The following ALK variants were observed in gnomAD, a reference collection of about 807,000 sequenced individuals.
ALK encodes ALK receptor tyrosine kinase, also known as ALK tyrosine kinase receptor.
ALK carries 74 observed loss-of-function variants against 163.1 expected under a neutral mutation model. The observed-to-expected ratio is 0.45, with a 90% CI of 0.38 to 0.55. ALK has a LOEUF of 0.55. Among genes scored for constraint, ALK ranks in the 20% least tolerant of loss-of-function variants. The pLI is 0.00. For synonymous variants in ALK, 960 were observed against 843.2 expected (o/e 1.14, Z -2.40); for missense variants, 2,063 against 2,105.3 (o/e 0.98, Z 0.39).
chr2:29,446,378 A>T (rs1215187056), intron 4 of ALK, among the ~76,000 whole-genome samples: 1 of 152,104 alleles, frequency 6.6e-6, no homozygotes, highest in African/African-American at 2.4e-5. Context: ...CCCCTTGTAG[A>T]AAAGTTCTTA....
chr2:29,574,631 A>G (rs1046140058), intron 3 of ALK, among the ~76,000 whole-genome samples: 1 of 152,250 alleles, frequency 6.6e-6, no homozygotes, highest in Admixed American at 6.5e-5. Context: ...ATTTGGTGAG[A>G]AAAGCTTGAC....
chr2:29,532,037 G>A lies in ALK; in HGVS notation c.1032C>T (p.His344=), dbSNP rs2148158695. ...TGTGCACCGAGACGGCCAGTGTGCA[G>A]TGCTCACTGCTGCTCCTCATCCACG... is the stretch of plus-strand genomic sequence containing the variant. ...LSPWMRSSSE[H]CTLAVSVHRH... is the part of the protein sequence containing the mutation. Residue 344 remains histidine, a synonymous_variant, in exon 4 of 29, where the codon CAC becomes CAT. Transcript: ENST00000389048. 6.2e-7 allele frequency: 1 copy of A among 1,614,092 alleles called. No homozygotes were observed. Among genetic ancestry groups the A allele is most frequent in the Non-Finnish European group, 8.5e-7 (1 of 1,180,000 alleles).
intron 1 of ALK, among the ~76,000 whole-genome samples, chr2:29,798,958 T>C (rs529338697): frequency 6.6e-6 from 1 of 152,320 alleles, no homozygotes; most frequent in South Asian, 2.1e-4. Flanking sequence ...CAGTGAGAAC[T>C]TGGATATGCC....
At chr2:29,503,290 G>A (rs1380612427) in intron 4 of ALK, among the ~76,000 whole-genome samples, 3 of 152,178 alleles carry the variant, frequency 2.0e-5, no homozygotes, top group Non-Finnish European at 4.4e-5. Flanking sequence ...CCAGGGAGCT[G>A]GGATTAGGGA....
At chr2:29,207,972 C>A (rs898010362) in intron 25 of ALK, 30 of 431,276 alleles carry the variant, frequency 7.0e-5, no homozygotes, top group African/African-American at 5.4e-4. Flanking sequence ...CAGGAAGCAG[C>A]TTCCTGCCAG....
At chr2:29,433,695 TG>T (rs1246432796) in intron 4 of ALK, among the ~76,000 whole-genome samples, 6 of 151,406 alleles carry the variant, frequency 4.0e-5, no homozygotes, top group Non-Finnish European at 2.9e-5. Context: ...GTGGCTGGCC[TG>T]GGAGTCATAG....
chr2:29,355,899 C>T (rs1017352703), intron 5 of ALK, among the ~76,000 whole-genome samples: 2 of 152,174 alleles, frequency 1.3e-5, no homozygotes, highest in Non-Finnish European at 2.9e-5. Context: ...TCCACCTAGG[C>T]TCCCAGAGTA....
At chr2:29,823,689 G>A (rs1254947205) in intron 1 of ALK, among the ~76,000 whole-genome samples, 1 of 152,146 alleles carries the variant, frequency 6.6e-6, no homozygotes, top group African/African-American at 2.4e-5. Flanking sequence ...GGTATCTGGT[G>A]GATGAAATTT....
chr2:29,823,131 G>A (rs1436020545), intron 1 of ALK, among the ~76,000 whole-genome samples: 1 of 152,200 alleles, frequency 6.6e-6, no homozygotes, highest in Non-Finnish European at 1.5e-5. Context: ...GTTTTATAAA[G>A]ATGAGTTCCC....
chr2:29,869,042 G>A lies in ALK; in HGVS notation c.667+50951C>T, dbSNP rs534694326. On this transcript the variant is annotated intron_variant, in intron 1 of 28. Coordinates refer to ENST00000389048, the MANE Select transcript of ALK (RefSeq NM_004304.5). ...CTGACCAGGAGACAGAGTTTGAAACGTCTTTCACCCATCCCCCAGCCATTA... is the reference window on the plus strand; with the variant it reads ...CTGACCAGGAGACAGAGTTTGAAACATCTTTCACCCATCCCCCAGCCATTA... Among the ~76,000 whole-genome samples, 25 of 152,244 alleles carry A rather than the reference G, an allele frequency of 1.6e-4. No individual in the cohort carries two copies. In the East Asian group the frequency reaches 1.7e-3, roughly 11 times the overall value.
At chr2:29,487,318 G>T (rs1272065936) in intron 4 of ALK, among the ~76,000 whole-genome samples, 1 of 152,154 alleles carries the variant, frequency 6.6e-6, no homozygotes, top group African/African-American at 2.4e-5. Flanking sequence ...TGAGGTGGGA[G>T]AACAGTGTGA....
At chr2:29,560,274 A>C (rs920496520) in intron 3 of ALK, among the ~76,000 whole-genome samples, 1 of 152,240 alleles carries the variant, frequency 6.6e-6, no homozygotes, top group Non-Finnish European at 1.5e-5. Context: ...AACAATCTAA[A>C]GGAACCAAGG....
intron 1 of ALK, among the ~76,000 whole-genome samples, chr2:29,871,792 G>A (rs1666584617): frequency 6.6e-6 from 1 of 152,290 alleles, no homozygotes. Context: ...CTCATCCAAG[G>A]TCACACAGAT....
At chr2:29,305,311 AAAAG>A (rs1666478980) in intron 8 of ALK, among the ~76,000 whole-genome samples, 1 of 152,192 alleles carries the variant, frequency 6.6e-6, no homozygotes, top group Non-Finnish European at 1.5e-5. Context: ...GAGAGAGAGA[AAAAG>A]AGAGAGAGAC....
At position 29,417,132 on chromosome 2, in the gene ALK, T is replaced by G. The variant is rs541732750; in HGVS notation, c.1155-33273A>C. Among the ~76,000 whole-genome samples, 14 of 151,884 alleles carry G rather than the reference T, an allele frequency of 9.2e-5. No homozygotes were observed. In the South Asian group the frequency reaches 2.9e-3, roughly 32 times the overall value. ...CCTCCCGGGTAGCTGGGACTACAGG[T>G]GCCTGCCACCATGCCCGGCTAATTT... On this transcript the variant is annotated intron_variant, in intron 4 of 28. Transcript: ENST00000389048.
chr2:29,569,416 A>G lies in ALK; in HGVS notation c.953-37300T>C, dbSNP rs116200515. Among the ~76,000 whole-genome samples, 140 of 152,306 alleles carry G rather than the reference A, an allele frequency of 9.2e-4. 1 individual carries two copies. Among genetic ancestry groups the G allele is most frequent in the African/African-American group, 3.3e-3 (136 of 41,566 alleles). ...CCCTAATAATGCATTACTTGGGTAA[A>G]TCACTTAATCTCAGTTTCCTTGTCT... On this transcript the variant is annotated intron_variant, in intron 3 of 28. Coordinates refer to ENST00000389048, the MANE Select transcript of ALK (RefSeq NM_004304.5).
chr2:29,616,256 G>T (rs72862843), intron 3 of ALK, among the ~76,000 whole-genome samples: 1,983 of 152,286 alleles, frequency 0.013, 37 homozygotes, highest in African/African-American at 0.036. Flanking sequence ...AGATAGTCAG[G>T]GTTTCTACTG....
At chr2:29,468,034 AT>A (rs200416113) in intron 4 of ALK, among the ~76,000 whole-genome samples, 343 of 146,564 alleles carry the variant, frequency 2.3e-3, no homozygotes, top group Admixed American at 3.8e-3. Context: ...GTCCTCAATA[AT>A]TTTTTTTTTT....
chr2:29,811,850 C>T (rs148754696), intron 1 of ALK, among the ~76,000 whole-genome samples: 12 of 152,296 alleles, frequency 7.9e-5, no homozygotes, highest in African/African-American at 1.7e-4. Flanking sequence ...TATCTGTCTA[C>T]GCCCCTTCCA....
Sources: allele counts gnomAD v4.1 joint callset (sites outside exome capture counted in the v4.1 genomes callset), GRCh38; gene constraint gnomAD v4.1.1; transcripts MANE v1.5; gene names NCBI Gene and HGNC (gene_info 2026-07-23, HGNC 2026-07-21).